LYST: variants seen among roughly 807,000 people sequenced by gnomAD.
LYST encodes the protein lysosomal trafficking regulator, also known as lysosomal-trafficking regulator.
Under a neutral mutation model 413.6 loss-of-function variants are expected in LYST, and 192 were observed. That is an observed-to-expected ratio of 0.46 (90% CI 0.41 to 0.52). The LOEUF (loss-of-function observed/expected upper bound fraction) is 0.52. LYST is among the 20% of genes least tolerant of loss of function. The probability of loss-of-function intolerance (pLI) is 0.00; values close to 1 mark genes in which losing one functional copy is unlikely to be tolerated. For synonymous variants in LYST, 1,525 were observed against 1,567.3 expected, an observed-to-expected ratio of 0.97 and a Z score of 0.64; for missense variants, 3,815 against 4,499.9, an observed-to-expected ratio of 0.85 and a Z score of 4.35.
At chr1:235,752,916 T>C in intron 26 of LYST, 128 bp downstream of exon 26, 1 of 537,556 alleles carries the variant, frequency 1.9e-6, no homozygotes, top group Non-Finnish European at 3.3e-6. Context: ...ACTTTTATTT[T>C]AGGTTCAGAG....
chr1:235,739,073 A>T, intron 31 of LYST: 1 of 580,536 alleles, frequency 1.7e-6, no homozygotes, highest in South Asian at 1.5e-5. Context: ...TTTTTATCTG[A>T]TCTGTGATTA....
At chr1:235,863,470 A>G (rs1680142678) in intron 1 of LYST, among the ~76,000 whole-genome samples, 1 of 151,570 alleles carries the variant, frequency 6.6e-6, no homozygotes, top group African/African-American at 2.4e-5. Flanking sequence ...TAAAAAAAAA[A>G]AAAATGTTGA....
At chr1:235,821,553 C>A (rs1327982468) in intron 3 of LYST, among the ~76,000 whole-genome samples, 2 of 152,110 alleles carry the variant, frequency 1.3e-5, no homozygotes, top group Non-Finnish European at 2.9e-5. Flanking sequence ...TTTGATGAGT[C>A]AGGATAGTTA....
intron 2 of LYST, among the ~76,000 whole-genome samples, chr1:235,833,135 T>G (rs1304070356): frequency 6.6e-6 from 1 of 152,136 alleles, no homozygotes; most frequent in Non-Finnish European, 1.5e-5. Context: ...TCAGTTGTGG[T>G]GATGGGGACA....
chr1:235,685,270 G>C (rs908111098), intron 48 of LYST, among the ~76,000 whole-genome samples: 1 of 152,012 alleles, frequency 6.6e-6, no homozygotes, highest in Non-Finnish European at 1.5e-5. Context: ...ACACTCCACT[G>C]TTCTGGCTCC....
chr1:235,840,514 T>C (rs376759438), intron 1 of LYST, among the ~76,000 whole-genome samples: 1 of 152,210 alleles, frequency 6.6e-6, no homozygotes, highest in Non-Finnish European at 1.5e-5. Context: ...GAATCACCTA[T>C]AGAGTTTGTC....
chr1:235,738,298 G>GC, intron 31 of LYST: 1 of 1,611,724 alleles, frequency 6.2e-7, no homozygotes, highest in Non-Finnish European at 8.5e-7. Context: ...GAGGCACATC[G>GC]CAAGAGGGAG....
chr1:235,673,708 T>A (rs977903834), intron 50 of LYST, among the ~76,000 whole-genome samples: 2 of 152,142 alleles, frequency 1.3e-5, no homozygotes, highest in Non-Finnish European at 2.9e-5. Flanking sequence ...TTCTTTGAAA[T>A]GCGCTTTGTT....
chr1:235,850,622 C>T (rs1431800785), intron 1 of LYST, among the ~76,000 whole-genome samples: 2 of 152,130 alleles, frequency 1.3e-5, no homozygotes, highest in Admixed American at 1.3e-4. Context: ...TCTTCACAAT[C>T]TATACATCTG....
chr1:235,753,331 A>G (rs1229848277), intron 25 of LYST, 57 bp from the exon 26 acceptor site: 7 of 1,071,426 alleles, frequency 6.5e-6, no homozygotes, highest in East Asian at 2.4e-5. Context: ...ATAAGAAAAT[A>G]TGATAGCAAC....
chr1:235,858,385 TTTATTA>T (rs1438593913), intron 1 of LYST, among the ~76,000 whole-genome samples: 7 of 133,028 alleles, frequency 5.3e-5, no homozygotes, highest in East Asian at 5.5e-4. Context: ...AATAGTAGTT[TTTATTA>T]ATATTAATAT....
chr1:235,751,638 T>C (rs1666510374), intron 27 of LYST, among the ~76,000 whole-genome samples: 1 of 152,160 alleles, frequency 6.6e-6, no homozygotes, highest in South Asian at 2.1e-4. Context: ...TTTTTCTATA[T>C]AAGGCAAAAG....
chr1:235,686,865 T>A lies in LYST; in HGVS notation c.10800+84A>T. The A allele has an allele frequency of 1.0e-6, 1 of 1,000,630 alleles. No individual in the cohort carries two copies. The highest frequency in any genetic ancestry group is 1.6e-6 in the Non-Finnish European group (1 of 620,452). 62.0% of individuals were successfully genotyped at this position (1,000,630 alleles called of 1,614,324 possible). On this transcript the variant is annotated intron_variant, in intron 48 of 52. Coordinates refer to ENST00000389793, the MANE Select transcript of LYST (RefSeq NM_000081.4). This position sits in a 1 kb window ranked among gnomAD's most constrained non-coding sequence, Gnocchi z 4.0. ...GTATAAACATTTTAAGTTAATCTTA[T>A]GCAAAGTGAATTATACTTCATAAAG...
rs1265479808 is a variant in LYST, at chr1:235,792,080, T to C, written c.4162A>G (p.Thr1388Ala). 2 of 1,613,054 alleles carry C rather than the reference T, an allele frequency of 1.2e-6. No individual in the cohort carries two copies. Among genetic ancestry groups the C allele is most frequent in the Non-Finnish European group, 1.7e-6 (2 of 1,179,266 alleles). Residue 1388 changes from threonine to alanine, a missense_variant, in exon 12 of 53, where the codon ACT becomes GCT. This residue lies in a region of LYST where 1,648 missense variants were observed against 1,810.3 expected (regional missense o/e 0.91). Transcript: ENST00000389793. ...GILKIIESDT[T>A]MSPSQYLTFP... ...GTTAGATACTGTGAAGGGCTCATAG[T>C]AGTATCACTTTCAATAATTTTCAGA...
At chr1:235,877,553 T>C (rs1304165534) in intron 1 of LYST, among the ~76,000 whole-genome samples, 1 of 152,074 alleles carries the variant, frequency 6.6e-6, no homozygotes, top group East Asian at 1.9e-4. Flanking sequence ...ATTACAGGCA[T>C]GCACCACCAC....
intron 1 of LYST, among the ~76,000 whole-genome samples, chr1:235,842,334 A>G (rs1032567745): frequency 1.3e-5 from 2 of 152,110 alleles, no homozygotes; most frequent in Non-Finnish European, 2.9e-5. Flanking sequence ...AAGATGTTAG[A>G]ATTTTTAGAT....
chr1:235,734,852 T>C (rs1054143457), intron 31 of LYST, 193 bp from the exon 32 acceptor site: 2 of 460,104 alleles, frequency 4.3e-6, no homozygotes, highest in Non-Finnish European at 7.7e-6. Flanking sequence ...AGAGGATTAA[T>C]GCTAATTTTG....
At chr1:235,721,515 G>GA (rs910758205) in intron 39 of LYST, among the ~76,000 whole-genome samples, 9 of 151,994 alleles carry the variant, frequency 5.9e-5, no homozygotes, top group African/African-American at 1.7e-4. Context: ...GCTAATAAAT[G>GA]AAAAAAACAG....
intron 1 of LYST, among the ~76,000 whole-genome samples, chr1:235,862,121 GAC>G (rs1178416757): frequency 4.6e-5 from 7 of 152,198 alleles, no homozygotes; most frequent in Non-Finnish European, 8.8e-5. Flanking sequence ...AATCAGGAGA[GAC>G]AGAGTTAGTA....
Sources: allele counts gnomAD v4.1 joint callset (sites outside exome capture counted in the v4.1 genomes callset), GRCh38; gene constraint gnomAD v4.1.1; regional missense constraint gnomAD v4.1.1; non-coding constraint Gnocchi (gnomAD v3.1); transcripts MANE v1.5; gene names NCBI Gene and HGNC (gene_info 2026-07-23, HGNC 2026-07-21).